The following CCDC7 variants were observed in gnomAD, a reference collection of about 807,000 sequenced individuals.
The protein encoded by CCDC7 is coiled-coil domain containing 7.
CCDC7 carries 183 observed loss-of-function variants against 196.9 expected under a neutral mutation model. The ratio of observed to expected loss-of-function variants is 0.93; its 90% confidence interval spans 0.82 to 1.05. CCDC7 has a LOEUF of 1.05. CCDC7 is among the 50% of genes least tolerant of loss of function. The probability of loss-of-function intolerance (pLI) is 0.00; values close to 1 mark genes in which losing one functional copy is unlikely to be tolerated. For synonymous variants in CCDC7, 525 were observed against 484.6 expected (o/e 1.08, Z -1.10); for missense variants, 1,540 against 1,482.2 (o/e 1.04, Z -0.64).
At chr10:32,861,603 C>G (rs1018474986) in intron 41 of CCDC7, among the ~76,000 whole-genome samples, 5 of 152,156 alleles carry the variant, frequency 3.3e-5, no homozygotes, top group African/African-American at 1.2e-4. Flanking sequence ...TTCTGCACAG[C>G]AAAAGAAACT....
chr10:32,711,799 T>C (rs771692018), intron 25 of CCDC7, 69 bp downstream of exon 26: 2 of 796,830 alleles, frequency 2.5e-6, no homozygotes, highest in Non-Finnish European at 3.8e-6. Flanking sequence ...TTTCTTTGGT[T>C]CATACTTACG....
intron 14 of CCDC7, among the ~76,000 whole-genome samples, chr10:32,566,099 T>C (rs1160979676): frequency 6.6e-6 from 1 of 152,166 alleles, no homozygotes. Context: ...AGTGTATTTG[T>C]GTATTATAAA....
At chr10:32,780,718 A>AAG (rs755712091) in intron 29 of CCDC7, among the ~76,000 whole-genome samples, 17 of 152,210 alleles carry the variant, frequency 1.1e-4, no homozygotes, top group Non-Finnish European at 2.4e-4. Flanking sequence ...AGAGGAAATG[A>AAG]AGAGCAAAAA....
intron 21 of CCDC7, among the ~76,000 whole-genome samples, chr10:32,665,034 G>T (rs891174823): frequency 6.6e-6 from 1 of 151,884 alleles, no homozygotes; most frequent in African/African-American, 2.4e-5. Flanking sequence ...TTTCATTGTG[G>T]TTTTAATTTG....
intron 24 of CCDC7, among the ~76,000 whole-genome samples, chr10:32,706,578 C>T (rs985379466): frequency 6.6e-6 from 1 of 151,760 alleles, no homozygotes; most frequent in Admixed American, 6.6e-5. Context: ...GCTAGCAAGA[C>T]TAATAAAGAA....
chr10:32,533,028 C>T (rs1270992408), intron 11 of CCDC7, among the ~76,000 whole-genome samples: 1 of 151,676 alleles, frequency 6.6e-6, no homozygotes, highest in Non-Finnish European at 1.5e-5. Flanking sequence ...GTTTTGAGTC[C>T]TTCTTTTCTT....
intron 41 of CCDC7, among the ~76,000 whole-genome samples, chr10:32,867,369 ATATT>A (rs889599682): frequency 2.0e-5 from 3 of 151,622 alleles, no homozygotes; most frequent in Non-Finnish European, 4.4e-5. Flanking sequence ...TATGTATTAA[ATATT>A]TATCATGTTT....
intron 37 of CCDC7, among the ~76,000 whole-genome samples, chr10:32,847,248 A>T (rs1237741524): frequency 1.3e-5 from 2 of 152,188 alleles, no homozygotes; most frequent in Non-Finnish European, 2.9e-5. Flanking sequence ...CAGATAGAGG[A>T]GGAGGAAATC....
At chr10:32,505,183 T>C (rs1342789683) in intron 9 of CCDC7, among the ~76,000 whole-genome samples, 4 of 151,950 alleles carry the variant, frequency 2.6e-5, no homozygotes, top group African/African-American at 9.7e-5. Context: ...TTTATTTATT[T>C]ATTTATTTAT....
At chr10:32,540,915 C>T (rs1015523528) in intron 11 of CCDC7, among the ~76,000 whole-genome samples, 1 of 152,112 alleles carries the variant, frequency 6.6e-6, no homozygotes, top group African/African-American at 2.4e-5. Flanking sequence ...GAATGTTGTC[C>T]TCTCTAGCGA....
intron 27 of CCDC7, 133 bp from the exon 29 acceptor site, chr10:32,729,199 A>G: frequency 2.2e-6 from 2 of 923,994 alleles, no homozygotes; most frequent in Admixed American, 2.6e-5. Context: ...AATTATAAGT[A>G]GTATCACTGC....
exon 6 of CCDC7, chr10:32,471,098 C>T: frequency 6.2e-7 from 1 of 1,610,278 alleles, no homozygotes; most frequent in Non-Finnish European, 8.5e-7. Context: ...CAAGCAGAGC[C>T]TCCAAAACCT....
intron 11 of CCDC7, among the ~76,000 whole-genome samples, chr10:32,521,490 G>T (rs1166338821): frequency 6.6e-6 from 1 of 151,630 alleles, no homozygotes; most frequent in Non-Finnish European, 1.5e-5. Flanking sequence ...TTCTTTTTCA[G>T]ATTATTCACT....
chr10:32,726,854 G>A (rs928701), intron 26 of CCDC7, 22 bp downstream of exon 27: 1,339,849 of 1,342,270 alleles, frequency 1, 668,755 homozygotes, highest in East Asian at 1. Context: ...AATTATAGAT[G>A]ACTTTAAATT....
intron 7 of CCDC7, among the ~76,000 whole-genome samples, 167 bp downstream of exon 8, chr10:32,472,709 C>G (rs2038195308): frequency 6.6e-6 from 1 of 152,086 alleles, no homozygotes; most frequent in Non-Finnish European, 1.5e-5. Context: ...ATCCTCTCTG[C>G]TCAGCCTTTT....
intron 32 of CCDC7, among the ~76,000 whole-genome samples, chr10:32,833,909 A>G (rs889012800): frequency 6.6e-6 from 1 of 152,138 alleles, no homozygotes; most frequent in African/African-American, 2.4e-5. Flanking sequence ...TTTTCACACT[A>G]CAGTCACATG....
intron 11 of CCDC7, 74 bp from the exon 13 acceptor site, chr10:32,543,226 T>C (rs2051812167): frequency 8.3e-7 from 1 of 1,212,030 alleles, no homozygotes; most frequent in African/African-American, 1.6e-5. Context: ...ACATTAATAA[T>C]GTATATTATC....
At chr10:32,482,108 T>A (rs1589019418) in intron 8 of CCDC7, among the ~76,000 whole-genome samples, 1 of 152,136 alleles carries the variant, frequency 6.6e-6, no homozygotes, top group South Asian at 2.1e-4. Context: ...TTCTTTTCTT[T>A]TTTTTTAATT....
At chr10:32,728,933 T>G in exon 27 of CCDC7, 1 of 1,610,076 alleles carries the variant, frequency 6.2e-7, no homozygotes, top group Non-Finnish European at 8.5e-7. Context: ...TTCATCAAGA[T>G]TCAAAGTCAA....
Sources: gnomAD v4.1 joint callset for allele counts (sites outside exome capture counted in the v4.1 genomes callset) on GRCh38, gnomAD v4.1.1 for gene constraint, MANE v1.5 for transcripts, NCBI Gene and HGNC (gene_info 2026-07-23, HGNC 2026-07-21) for gene names.